Variants in ADGRB3 observed in about 807,000 individuals in gnomAD.
ADGRB3 encodes adhesion G protein-coupled receptor B3.
In ADGRB3, 37 loss-of-function variants were observed where a neutral mutation model predicts 193.4. The ratio of observed to expected loss-of-function variants is 0.19; its 90% CI spans 0.15 to 0.25. The LOEUF (loss-of-function observed/expected upper bound fraction) is 0.25. Ranked by LOEUF, ADGRB3 falls within the 10% of genes least tolerant of loss-of-function variation. ADGRB3 has a pLI of 1.00. For synonymous variants in ADGRB3, 690 were observed against 644.2 expected (o/e 1.07, Z -1.08); for missense variants, 1,637 against 1,852.9 (o/e 0.88, Z 2.14).
At chr6:68,919,399 C>T (rs973361754) in intron 3 of ADGRB3, among the ~76,000 whole-genome samples, 2 of 152,044 alleles carry the variant, frequency 1.3e-5, no homozygotes, top group African/African-American at 4.8e-5. Flanking sequence ...TTAATAAATG[C>T]TGTTAGCAAA....
At chr6:69,286,637 AT>A (rs1418919818) in intron 20 of ADGRB3, among the ~76,000 whole-genome samples, 1 of 152,198 alleles carries the variant, frequency 6.6e-6, no homozygotes, top group Non-Finnish European at 1.5e-5. Context: ...CATCCAAAAT[AT>A]TAGATCAGGG....
At chr6:69,326,083 A>G (rs762180573) in intron 21 of ADGRB3, among the ~76,000 whole-genome samples, 3 of 152,060 alleles carry the variant, frequency 2.0e-5, no homozygotes, top group Non-Finnish European at 4.4e-5. Context: ...CTCTACCAAA[A>G]ATGCAAAAAA....
intron 8 of ADGRB3, among the ~76,000 whole-genome samples, chr6:68,966,390 C>G (rs1253019367): frequency 6.6e-6 from 1 of 152,056 alleles, no homozygotes; most frequent in Non-Finnish European, 1.5e-5. Context: ...AAGTCAAGAT[C>G]CTTGCTTACC....
intron 20 of ADGRB3, among the ~76,000 whole-genome samples, chr6:69,245,067 A>G (rs1432678459): frequency 2.0e-5 from 3 of 151,950 alleles, no homozygotes; most frequent in Non-Finnish European, 4.4e-5. Flanking sequence ...GTAGTCTCCA[A>G]CTCAATTACA....
At chr6:69,180,943 G>A (rs955295542) in intron 17 of ADGRB3, among the ~76,000 whole-genome samples, 2 of 152,088 alleles carry the variant, frequency 1.3e-5, no homozygotes, top group African/African-American at 4.8e-5. Context: ...GCTTTTCCTG[G>A]TGTCTTTCCC....
Position 69,159,997 on chromosome 6 carries a change from A to G in ADGRB3, c.2481-73293A>G, listed in dbSNP as rs186626002. 5.3e-5 allele frequency among the ~76,000 whole-genome samples: 8 copies of G among 152,254 alleles called. No homozygotes were observed. In the East Asian group the frequency reaches 1.4e-3, roughly 26 times the overall value. Reference sequence around the variant, plus strand: ...GAAAATACTATCAGCTCTGCCTTCAAGATGTATCCAGAATTTAATCCCTTC... The same window carrying G: ...GAAAATACTATCAGCTCTGCCTTCAGGATGTATCCAGAATTTAATCCCTTC... On this transcript the variant is annotated intron_variant, in intron 17 of 31. Coordinates refer to ENST00000370598, the MANE Select transcript of ADGRB3 (RefSeq NM_001704.3).
chr6:69,151,660 A>G (rs971406344), intron 17 of ADGRB3, among the ~76,000 whole-genome samples: 5 of 152,068 alleles, frequency 3.3e-5, no homozygotes, highest in Admixed American at 3.3e-4. Flanking sequence ...GGAAGCTTCT[A>G]TTTGGCCATT....
chr6:68,781,145 G>A (rs183294770), intron 3 of ADGRB3, among the ~76,000 whole-genome samples: 1 of 152,236 alleles, frequency 6.6e-6, no homozygotes, highest in East Asian at 1.9e-4. Context: ...GCAAAGTCTA[G>A]GTTGGCTGTC....
intron 3 of ADGRB3, among the ~76,000 whole-genome samples, chr6:68,917,132 G>A (rs910113661): frequency 1.3e-5 from 2 of 152,190 alleles, no homozygotes; most frequent in African/African-American, 2.4e-5. Context: ...ATTTGGAAAA[G>A]CTTTGGATAG....
intron 20 of ADGRB3, among the ~76,000 whole-genome samples, chr6:69,324,331 C>G (rs1046940894): frequency 3.3e-5 from 5 of 152,012 alleles, no homozygotes; most frequent in African/African-American, 1.2e-4. Flanking sequence ...ATGTTATTAG[C>G]CAAACCTCAT....
At chr6:68,737,893 A>G (rs1043203091) in intron 3 of ADGRB3, among the ~76,000 whole-genome samples, 1 of 152,180 alleles carries the variant, frequency 6.6e-6, no homozygotes. Context: ...ATGAGAGTTC[A>G]GGGTTTAGTG....
chr6:68,733,162 A>C (rs1246525534), intron 3 of ADGRB3, among the ~76,000 whole-genome samples: 1 of 151,274 alleles, frequency 6.6e-6, no homozygotes, highest in African/African-American at 2.4e-5. Flanking sequence ...CCAAAAAGAC[A>C]TCTGTATTTG....
In ADGRB3 at chr6:68,874,107, T is replaced by C. The variant is rs148441611; in HGVS notation, c.758-56452T>C. Reference sequence around the variant, plus strand: ...TAGACTTTTAGGAATTTTTATGATATATATTTTTCACACCGTATGACACTG... The same window carrying C: ...TAGACTTTTAGGAATTTTTATGATACATATTTTTCACACCGTATGACACTG... On this transcript the variant is annotated intron_variant, in intron 3 of 31. Transcript: ENST00000370598. Among the ~76,000 whole-genome samples the C allele has an allele frequency of 4.9e-4, 74 of 152,244 alleles. 1 individual carries two copies. The highest frequency in any genetic ancestry group is 1.7e-3 in the African/African-American group (70 of 41,572).
chr6:68,652,542 C>T (rs1475125742), intron 3 of ADGRB3, among the ~76,000 whole-genome samples: 1 of 152,042 alleles, frequency 6.6e-6, no homozygotes, highest in Non-Finnish European at 1.5e-5. Context: ...AACAAAAATC[C>T]TCCTGCAAAT....
intron 17 of ADGRB3, among the ~76,000 whole-genome samples, chr6:69,217,047 A>T (rs929406572): frequency 1.3e-5 from 2 of 152,176 alleles, no homozygotes; most frequent in Admixed American, 1.3e-4. Flanking sequence ...TTGAAGCAAT[A>T]GGGGTATATA....
chr6:68,749,408 A>ATATGTGTGTGTGTG (rs540892508), intron 3 of ADGRB3, among the ~76,000 whole-genome samples: 18 of 136,564 alleles, frequency 1.3e-4, no homozygotes, highest in Admixed American at 3.0e-4. Flanking sequence ...ATATATATAT[A>ATATGTGTGTGTGTG]TGTGTGTGTG....
intron 16 of ADGRB3, among the ~76,000 whole-genome samples, chr6:69,072,005 C>A (rs1298167256): frequency 6.6e-6 from 1 of 151,970 alleles, no homozygotes; most frequent in Non-Finnish European, 1.5e-5. Context: ...TCAGCAAAAC[C>A]TTTTAGCCAG....
chr6:69,261,058 C>T (rs2127273335), intron 20 of ADGRB3, among the ~76,000 whole-genome samples: 1 of 152,252 alleles, frequency 6.6e-6, no homozygotes, highest in Middle Eastern at 3.4e-3. Context: ...ATCACCTCCA[C>T]ATTTTTTTAC....
intron 26 of ADGRB3, 62 bp from the exon 27 acceptor site, chr6:69,354,171 G>A (rs893222263): frequency 8.2e-7 from 1 of 1,222,206 alleles, no homozygotes; most frequent in African/African-American, 1.5e-5. Flanking sequence ...TGATTGCCAA[G>A]ATAGACAGTA....
Sources: gnomAD v4.1 joint callset for allele counts (sites outside exome capture counted in the v4.1 genomes callset) on GRCh38, gnomAD v4.1.1 for gene constraint, MANE v1.5 for transcripts, NCBI Gene and HGNC (gene_info 2026-07-23, HGNC 2026-07-21) for gene names.